The following FRMD5 variants were observed in gnomAD, a reference collection of about 807,000 sequenced individuals.
FRMD5 encodes the protein FERM domain-containing protein 5.
FRMD5 carries 20 observed loss-of-function variants against 69.0 expected under a neutral mutation model. That is an observed-to-expected ratio of 0.29 (90% CI 0.20 to 0.42). The LOEUF (loss-of-function observed/expected upper bound fraction) is 0.42. Ranked by LOEUF, FRMD5 falls within the 10% of genes least tolerant of loss-of-function variation. The probability of loss-of-function intolerance (pLI) is 1.00; values close to 1 mark genes in which losing one functional copy is unlikely to be tolerated. For synonymous variants in FRMD5, 271 were observed against 260.1 expected (o/e 1.04, Z -0.40); for missense variants, 595 against 708.6 (o/e 0.84, Z 1.82).
chr15:44,136,468 A>G (rs1201725844), intron 1 of FRMD5, among the ~76,000 whole-genome samples: 5 of 152,238 alleles, frequency 3.3e-5, no homozygotes, highest in East Asian at 3.8e-4. Flanking sequence ...CTCTAGGCAC[A>G]TAAGTCACAA....
chr15:44,116,934 T>C (rs776240899), intron 1 of FRMD5, among the ~76,000 whole-genome samples: 42 of 141,952 alleles, frequency 3.0e-4, no homozygotes, highest in Non-Finnish European at 5.0e-4. Flanking sequence ...ATACAAAAAT[T>C]AACCGAGCAT....
intron 1 of FRMD5, among the ~76,000 whole-genome samples, chr15:44,172,122 G>A (rs552360370): frequency 6.8e-6 from 1 of 147,792 alleles, no homozygotes; most frequent in Non-Finnish European, 1.5e-5. Context: ...GCAGGGCCTT[G>A]CTCTGTCACC....
intron 1 of FRMD5, among the ~76,000 whole-genome samples, chr15:43,965,226 T>TAC (rs1354042510): frequency 6.6e-6 from 1 of 152,224 alleles, no homozygotes; most frequent in Non-Finnish European, 1.5e-5. Flanking sequence ...TCTCTATATT[T>TAC]ACTGCATTCT....
chr15:43,989,709 C>A, intron 1 of FRMD5: 3 of 996,394 alleles, frequency 3.0e-6, no homozygotes, highest in South Asian at 1.3e-5. Context: ...GTGTGGGTGA[C>A]CCCGTCATCG....
chr15:44,013,334 G>A (rs1890810319), intron 1 of FRMD5, among the ~76,000 whole-genome samples: 1 of 152,146 alleles, frequency 6.6e-6, no homozygotes, highest in Non-Finnish European at 1.5e-5. Flanking sequence ...TTGAGGTTAA[G>A]TCCCTAAGTT....
intron 1 of FRMD5, among the ~76,000 whole-genome samples, chr15:43,953,378 C>T (rs778874431): frequency 1.3e-4 from 20 of 152,162 alleles, no homozygotes; most frequent in Non-Finnish European, 2.4e-4. Context: ...TGGCTCAATC[C>T]TTGGTGGTGG....
At chr15:43,940,035 G>A (rs943915260) in intron 1 of FRMD5, among the ~76,000 whole-genome samples, 1 of 152,190 alleles carries the variant, frequency 6.6e-6, no homozygotes, top group Non-Finnish European at 1.5e-5. Context: ...AAATTAGCCA[G>A]GCTTGGTAGC....
chr15:44,075,493 AC>A (rs745395830), intron 1 of FRMD5, among the ~76,000 whole-genome samples: 2 of 152,168 alleles, frequency 1.3e-5, no homozygotes, highest in Non-Finnish European at 2.9e-5. Context: ...TCCTGTCTCA[AC>A]CTTTTTGACA....
chr15:43,904,709 A>G (rs1385805441), intron 6 of FRMD5, among the ~76,000 whole-genome samples: 2 of 151,992 alleles, frequency 1.3e-5, no homozygotes, highest in East Asian at 3.9e-4. Flanking sequence ...TTTTCCTCAT[A>G]GTTTGTCAGT....
intron 1 of FRMD5, among the ~76,000 whole-genome samples, chr15:44,095,442 C>T (rs559427636): frequency 6.6e-6 from 1 of 152,162 alleles, no homozygotes; most frequent in Admixed American, 6.6e-5. Context: ...TGGGTTACAG[C>T]AATCCTCCCA....
At chr15:43,953,056 T>C (rs2090061314) in intron 1 of FRMD5, among the ~76,000 whole-genome samples, 1 of 152,216 alleles carries the variant, frequency 6.6e-6, no homozygotes, top group South Asian at 2.1e-4. Context: ...GTCCTAAGAA[T>C]GACTTTTTCT....
chr15:44,080,918 G>A (rs1020013885), intron 1 of FRMD5, among the ~76,000 whole-genome samples: 4 of 152,072 alleles, frequency 2.6e-5, no homozygotes, highest in South Asian at 2.1e-4. Flanking sequence ...AGAGGTTTGC[G>A]ACTAGGCCAT....
At chr15:43,951,314 C>CG (rs1307082361) in intron 1 of FRMD5, among the ~76,000 whole-genome samples, 1 of 150,750 alleles carries the variant, frequency 6.6e-6, no homozygotes, top group African/African-American at 2.4e-5. Context: ...CCCAGCTACT[C>CG]GGGAGGCTGA....
chr15:44,060,132 G>A (rs1194962251), intron 1 of FRMD5, among the ~76,000 whole-genome samples: 1 of 152,180 alleles, frequency 6.6e-6, no homozygotes, highest in Non-Finnish European at 1.5e-5. Flanking sequence ...GACAGAGTAG[G>A]CAGCAAGGTT....
chr15:44,095,381 T>G (rs1027640077), intron 1 of FRMD5, among the ~76,000 whole-genome samples: 6 of 151,988 alleles, frequency 3.9e-5, no homozygotes, highest in Non-Finnish European at 8.8e-5. Context: ...TTTTAAAAAT[T>G]TTTTGTAGAG....
intron 1 of FRMD5, among the ~76,000 whole-genome samples, chr15:43,948,199 A>T (rs2089976146): frequency 6.6e-6 from 1 of 152,264 alleles, no homozygotes; most frequent in Non-Finnish European, 1.5e-5. Flanking sequence ...GAACCTGAAT[A>T]TATAATCATT....
chr15:44,048,769 C>T (rs1188179872), intron 1 of FRMD5, among the ~76,000 whole-genome samples: 2 of 152,022 alleles, frequency 1.3e-5, no homozygotes, highest in South Asian at 2.1e-4. Flanking sequence ...GACAGGGTTT[C>T]GTCATGTTGG....
At chr15:44,155,915 G>A (rs1004642405) in intron 1 of FRMD5, among the ~76,000 whole-genome samples, 4 of 151,780 alleles carry the variant, frequency 2.6e-5, no homozygotes, top group Admixed American at 2.6e-4. Context: ...CATATTTTTT[G>A]AGTGACCACT....
At position 44,138,993 on chromosome 15, in the gene FRMD5, C is replaced by A. The variant is rs150876744; in HGVS notation, c.102+55960G>T. ...AGCACTGTTGGTGAGCACAGGATTT[C>A]TTTTAAGGGGGACAAAACTAAGGGG... On this transcript the variant is annotated intron_variant, in intron 1 of 13. Transcript: ENST00000417257. Among the ~76,000 whole-genome samples the A allele has an allele frequency of 3.2e-4, 48 of 152,106 alleles. No homozygotes were observed. In the East Asian group the frequency reaches 9.3e-3, roughly 29 times the overall value.
Sources: allele counts gnomAD v4.1 joint callset (sites outside exome capture counted in the v4.1 genomes callset), GRCh38; gene constraint gnomAD v4.1.1; transcripts MANE v1.5; gene names NCBI Gene and HGNC (gene_info 2026-07-23, HGNC 2026-07-21).